NKD2: variants seen among roughly 807,000 people sequenced by gnomAD.
NKD2 encodes the protein protein naked cuticle homolog 2.
NKD2 carries 43 observed loss-of-function variants against 34.8 expected under a neutral mutation model. The ratio of observed to expected loss-of-function variants is 1.24; its 90% CI spans 0.97 to 1.60. NKD2 has a LOEUF of 1.60. NKD2 is among the 40% of genes most tolerant of loss of function. NKD2 has a pLI of 0.00. For missense variants in NKD2, 675 were observed against 627.1 expected (o/e 1.08, Z -0.82); for synonymous variants, 278 against 265.1 (o/e 1.05, Z -0.47).
At chr5:1,028,239 G>T (rs1756503850) in intron 3 of NKD2, among the ~76,000 whole-genome samples, 1 of 152,180 alleles carries the variant, frequency 6.6e-6, no homozygotes, top group East Asian at 1.9e-4. Flanking sequence ...TGGCCTCGGG[G>T]TGGTTGGCTC....
intron 3 of NKD2, among the ~76,000 whole-genome samples, chr5:1,015,408 C>A (rs545034914): frequency 6.6e-6 from 1 of 152,338 alleles, no homozygotes; most frequent in East Asian, 1.9e-4. Context: ...AGCGGTAGTT[C>A]TTGAAGCCAG....
chr5:1,009,553 A>G lies in NKD2; in HGVS notation c.134A>G (p.Asp45Gly), dbSNP rs1755667182. Residue 45 changes from aspartate (D) to glycine (G), a missense_variant, in exon 3 of 10, where the codon GAC becomes GGC. Coordinates refer to ENST00000296849, the MANE Select transcript of NKD2 (RefSeq NM_033120.4). The surrounding 1 kb of genome is among the most constrained non-coding windows in gnomAD (Gnocchi z 6.9). ...GAEEAERRAR[D>G]KQELPNGDPK... ...GAGGAAGCGGAGCGGCGCGCGCGGG[A>G]CAAGCAGGTAGGCGGCGGGGCGGAG... The G allele has an allele frequency of 2.0e-6, 3 of 1,485,080 alleles. No homozygotes were observed. The South Asian group carries it at 3.8e-5, about 19-fold the overall frequency. The allele number at this position is 1,485,080 out of a possible 1,614,324, so 92.0% of individuals were successfully genotyped here.
Position 1,009,477 on chromosome 5 carries a change from G to C in NKD2, c.62-4G>C. The C allele has an allele frequency of 1.3e-6, 2 of 1,496,822 alleles. No homozygotes were observed. Among genetic ancestry groups the C allele is most frequent in the Non-Finnish European group, 1.8e-6 (2 of 1,130,832 alleles). The allele number at this position is 1,496,822 out of a possible 1,614,324, so 92.7% of individuals were successfully genotyped here. ...TTTCCCGCGCGTCCGCCCCCGGACC[G>C]CAGGGGACAGCTTCGTGGCGTCCGC... On this transcript the variant is annotated splice_polypyrimidine_tract_variant and splice_region_variant and intron_variant, in intron 2 of 9. Transcript: ENST00000296849. This position sits in a 1 kb window ranked among gnomAD's most constrained non-coding sequence, Gnocchi z 6.9.
intron 3 of NKD2, among the ~76,000 whole-genome samples, chr5:1,015,778 T>A (rs760704690): frequency 1.3e-5 from 2 of 152,172 alleles, no homozygotes; most frequent in Non-Finnish European, 2.9e-5. Flanking sequence ...GGGCCTGTGC[T>A]GCGTCCTGGG....
chr5:1,036,240 C>T lies in NKD2; in HGVS notation c.660-17C>T. 1 of 1,579,330 alleles carries T rather than the reference C, an allele frequency of 6.3e-7. No homozygotes were observed. The highest frequency in any genetic ancestry group is 8.6e-7 in the Non-Finnish European group (1 of 1,161,878). On this transcript the variant is annotated splice_polypyrimidine_tract_variant and intron_variant, in intron 8 of 9. Transcript: ENST00000296849. The stretch of plus-strand genomic sequence containing the variant: ...CAGTCTGTGCGGGGGTCAGGCCCTT[C>T]TCTGTGCTCCAAGCAGGAGGCCCAG...
intron 3 of NKD2, among the ~76,000 whole-genome samples, chr5:1,029,723 G>A (rs545382876): frequency 1.8e-4 from 28 of 152,288 alleles, no homozygotes; most frequent in African/African-American, 6.0e-4. Flanking sequence ...CGTCCAACCC[G>A]TCGCCCGCTG....
At chr5:1,034,641 G>C in intron 6 of NKD2, 115 bp from the exon 7 acceptor site, 1 of 1,133,220 alleles carries the variant, frequency 8.8e-7, no homozygotes, top group Non-Finnish European at 1.3e-6. Context: ...GTGGTCTGTT[G>C]GTGGATGCAA....
At chr5:1,016,327 G>A (rs1034302167) in intron 3 of NKD2, among the ~76,000 whole-genome samples, 2 of 152,254 alleles carry the variant, frequency 1.3e-5, no homozygotes, top group Non-Finnish European at 2.9e-5. Flanking sequence ...GGCACCCTTT[G>A]GCAGCCTTTC....
intron 9 of NKD2, chr5:1,036,688 C>A: frequency 1.8e-6 from 1 of 562,904 alleles, no homozygotes; most frequent in Non-Finnish European, 3.4e-6. Flanking sequence ...ATTGGGTTTG[C>A]ATTCAGGGAA....
In NKD2 at chr5:1,020,560, C is replaced by T. The variant is rs907084605; in HGVS notation, c.141+11000C>T. ...CACAGCTTCCCCCTCCCATCCGCGT[C>T]GGTTAATGCGGGTAAAGTGCTCCCT... On this transcript the variant is annotated intron_variant, in intron 3 of 9. Coordinates refer to ENST00000296849, the MANE Select transcript of NKD2 (RefSeq NM_033120.4). 1.1e-4 allele frequency among the ~76,000 whole-genome samples: 16 copies of T among 151,814 alleles called. No homozygotes were observed. In the South Asian group the frequency reaches 2.7e-3, roughly 26 times the overall value.
intron 3 of NKD2, among the ~76,000 whole-genome samples, chr5:1,015,606 G>A (rs532337991): frequency 6.6e-6 from 1 of 152,330 alleles, no homozygotes; most frequent in South Asian, 2.1e-4. Context: ...GGGAGTTGGG[G>A]AAGCCTCAGG....
At chr5:1,028,467 C>T (rs367956453) in intron 3 of NKD2, among the ~76,000 whole-genome samples, 7 of 152,278 alleles carry the variant, frequency 4.6e-5, no homozygotes, top group Non-Finnish European at 7.4e-5. Context: ...CAGGCAGATG[C>T]GGCTGCTTTC....
chr5:1,010,211 G>A (rs1364624567), intron 3 of NKD2, among the ~76,000 whole-genome samples: 1 of 152,206 alleles, frequency 6.6e-6, no homozygotes, highest in Non-Finnish European at 1.5e-5. Context: ...GTCCAGGTCT[G>A]GGGCCCTGGA....
intron 7 of NKD2, among the ~76,000 whole-genome samples, 155 bp from the exon 8 acceptor site, chr5:1,035,230 GTTAA>G (rs1254861225): frequency 1.3e-5 from 2 of 151,978 alleles, no homozygotes; most frequent in Non-Finnish European, 2.9e-5. Context: ...GAACGAGTGA[GTTAA>G]TGAATGAGTG....
chr5:1,036,166 G>A (rs548612856), intron 8 of NKD2, 91 bp from the exon 9 acceptor site: 9 of 1,414,160 alleles, frequency 6.4e-6, no homozygotes, highest in African/African-American at 2.9e-5. Context: ...GATGCACCCC[G>A]GACCCCTGCC....
intron 3 of NKD2, among the ~76,000 whole-genome samples, chr5:1,018,941 C>T (rs181624726): frequency 1.3e-5 from 2 of 152,310 alleles, no homozygotes; most frequent in South Asian, 2.1e-4. Context: ...TGCTTTGGGG[C>T]ATCTAGGGGA....
rs549149879 is a variant in NKD2 at position 1,020,228 on chromosome 5, C to T, written c.141+10668C>T. 5.9e-5 allele frequency among the ~76,000 whole-genome samples: 9 copies of T among 152,268 alleles called. No individual in the cohort carries two copies. The South Asian group carries it at 1.7e-3, about 28-fold the overall frequency. On this transcript the variant is annotated intron_variant, in intron 3 of 9. Transcript: ENST00000296849. The stretch of plus-strand genomic sequence containing the variant: ...GAGTTGAAGGCAGGGAATAAAGTTT[C>T]GGCAGAGTTTATGATCACGCCTCTA...
At chr5:1,032,796 C>T (rs1289848576) in intron 4 of NKD2, among the ~76,000 whole-genome samples, 2 of 152,238 alleles carry the variant, frequency 1.3e-5, no homozygotes, top group Non-Finnish European at 2.9e-5. Flanking sequence ...TCGACGTGCA[C>T]CTGTCTGCAG....
intron 3 of NKD2, among the ~76,000 whole-genome samples, chr5:1,026,151 CCG>C: frequency 1.1e-5 from 1 of 94,060 alleles, no homozygotes. Context: ...CTCTTCCCAC[CCG>C]CTGTGGGCGT....
Sources: gnomAD v4.1 joint callset for allele counts (sites outside exome capture counted in the v4.1 genomes callset) on GRCh38, gnomAD v4.1.1 for gene constraint, Gnocchi (gnomAD v3.1) non-coding constraint, MANE v1.5 for transcripts, NCBI Gene and HGNC (gene_info 2026-07-23, HGNC 2026-07-21) for gene names.